Variants in KPNA7 observed in about 807,000 individuals in gnomAD.
KPNA7 encodes importin subunit alpha-8.
KPNA7 carries 54 observed loss-of-function variants against 53.7 expected under a neutral mutation model. That is an observed-to-expected ratio of 1.01 (90% CI 0.81 to 1.26). The LOEUF (loss-of-function observed/expected upper bound fraction) is 1.26. Ranked by LOEUF, KPNA7 falls within the 50% of genes most tolerant of loss-of-function variation. The probability of loss-of-function intolerance (pLI) is 0.00; values close to 1 mark genes in which losing one functional copy is unlikely to be tolerated. For synonymous variants in KPNA7, 276 were observed against 259.3 expected (o/e 1.06, Z -0.62); for missense variants, 640 against 644.5 (o/e 0.99, Z 0.07).
Position 99,178,062 on chromosome 7 carries a change from G to C in KPNA7, c.1322C>G (p.Ala441Gly). ...GTTTTCCTTCTCAGACCGTTTCTCT[G>C]CCGCCTGTGACCAAGTACAAGGGGA... ...LDVISCILQA[A>G]EKRSEKENLC... The change falls in exon 10 of 11, where the codon GCA becomes GGA. Residue 441 changes from alanine (A) to glycine (G), a missense_variant. Transcript: ENST00000327442. 1 of 1,551,292 alleles carries C rather than the reference G, an allele frequency of 6.4e-7. No individual in the cohort carries two copies. The highest frequency in any genetic ancestry group is 8.7e-7 in the Non-Finnish European group (1 of 1,146,796).
chr7:99,196,125 G>C lies in KPNA7; in HGVS notation c.243C>G (p.Ser81Arg), dbSNP rs946371056. ...TLGEIIKGVN[S>R]SDPVLCFQAT... ...CCTGGAAACATAGGACTGGATCTGA[G>C]CTATTCACACCTTTGATTATTTCAC... Residue 81 changes from serine (S) to arginine (R), a missense_variant, in exon 4 of 11, where the codon AGC (serine) becomes AGG (arginine). Physicochemically the swap from Ser to Arg is moderately radical, Grantham distance 110. Transcript: ENST00000327442. 2 of 1,551,716 alleles carry C rather than the reference G, an allele frequency of 1.3e-6. No homozygotes were observed. Among genetic ancestry groups the C allele is most frequent in the Admixed American group, 2.0e-5 (1 of 50,982 alleles).
the KPNA7 span, among the ~76,000 whole-genome samples, chr7:99,168,028 A>G: frequency 3.3e-3 from 493 of 147,562 alleles, 3 homozygotes; most frequent in African/African-American, 0.012. Flanking sequence ...GCCTTCCACA[A>G]AACCAGTCCG....
the KPNA7 span, among the ~76,000 whole-genome samples, chr7:99,147,512 C>T: frequency 4.6e-5 from 7 of 152,234 alleles, no homozygotes; most frequent in Non-Finnish European, 1.0e-4. Context: ...GATAAAAGTC[C>T]GGGCACAGTG....
At chr7:99,147,139 A>G in the KPNA7 span, among the ~76,000 whole-genome samples, 1 of 152,244 alleles carries the variant, frequency 6.6e-6, no homozygotes, top group East Asian at 1.9e-4. Flanking sequence ...AACAAGGAAT[A>G]CAAAATAAAT....
Position 99,207,463 on chromosome 7 carries a change from G to A in KPNA7, c.4C>T (p.Pro2Ser). 1 of 1,551,174 alleles carries A rather than the reference G, an allele frequency of 6.4e-7. No homozygotes were observed. The change falls in exon 2 of 11, where the codon CCG becomes TCG. Residue 2 changes from proline (P) to serine (S), a missense_variant. By Grantham distance (74) the Pro-to-Ser change is moderately conservative. Transcript: ENST00000327442. The part of the protein sequence containing the change: M[P>S]TLDAPEERRR... ...CTCTCTTCTGGAGCATCTAAGGTCG[G>A]CATATTGACTGGAAGTAGTAAGTTA...
At chr7:99,211,885 C>G (rs977316686), upstream of KPNA7, among the ~76,000 whole-genome samples, 2 of 152,216 alleles carry the variant, frequency 1.3e-5, no homozygotes, top group Non-Finnish European at 2.9e-5. Context: ...ATCTCTCCCA[C>G]TCTCCGATCT....
At chr7:99,148,231 G>A in the KPNA7 span, among the ~76,000 whole-genome samples, 27 of 152,174 alleles carry the variant, frequency 1.8e-4, no homozygotes, top group African/African-American at 5.3e-4. Context: ...AACTCGGTGA[G>A]CCTCCTCAAG....
At chr7:99,161,268 T>C in the KPNA7 span, among the ~76,000 whole-genome samples, 50 of 123,092 alleles carry the variant, frequency 4.1e-4, no homozygotes, top group African/African-American at 1.4e-3. Context: ...TCTCTCTCTC[T>C]CTGATCACTT....
rs979406068 is a variant in KPNA7 at position 99,188,424 on chromosome 7, G to T, written c.776C>A (p.Ser259Ter). 1 of 1,551,544 alleles carries T rather than the reference G, an allele frequency of 6.4e-7. No homozygotes were observed. The highest frequency in any genetic ancestry group is 8.7e-7 in the Non-Finnish European group (1 of 1,147,016). ...GTAGGACAGTGCCCAGCAGGCATCCGAGAGAACCTCACTGTCCTGGTGCTG... is the reference window on the plus strand; with the variant it reads ...GTAGGACAGTGCCCAGCAGGCATCCTAGAGAACCTCACTGTCCTGGTGCTG... ...LLQHQDSEVL[S>*]DACWALSYLT... The change falls in exon 7 of 11, where the codon TCG becomes TAG. Residue 259 changes from serine to a stop codon, truncating the protein, a stop_gained. Transcript: ENST00000327442. LOFTEE classifies it high-confidence loss of function.
At chr7:99,211,476 T>C (rs1791070965), upstream of KPNA7, among the ~76,000 whole-genome samples, 2 of 152,168 alleles carry the variant, frequency 1.3e-5, no homozygotes, top group African/African-American at 2.4e-5. Flanking sequence ...ACAAGCTCTA[T>C]GCAAGATCAG....
chr7:99,201,463 A>C (rs941817671), intron 3 of KPNA7, among the ~76,000 whole-genome samples: 1 of 151,996 alleles, frequency 6.6e-6, no homozygotes, highest in Non-Finnish European at 1.5e-5. Flanking sequence ...GGAGGTTGAG[A>C]CCATTCGGGC....
intron 1 of KPNA7, among the ~76,000 whole-genome samples, chr7:99,216,184 C>T (rs866021034): frequency 5.3e-5 from 8 of 151,872 alleles, no homozygotes; most frequent in African/African-American, 1.7e-4. Context: ...CACACCACCA[C>T]ACCCAGCTAA....
chr7:99,184,955 G>A lies in KPNA7; in HGVS notation c.1108C>T (p.Pro370Ser), dbSNP rs1327492077. The A allele has an allele frequency of 6.4e-7, 1 of 1,552,034 alleles. No homozygotes were observed. Among genetic ancestry groups the A allele is most frequent in the African/African-American group, 1.4e-5 (1 of 73,140 alleles). The change falls in exon 8 of 11, where the codon CCT becomes TCT. Residue 370 changes from proline (P) to serine (S), a missense_variant. By Grantham distance (74) the Pro-to-Ser change is moderately conservative. Transcript: ENST00000327442. The stretch of plus-strand genomic sequence containing the variant: ...TTTTTTAGCAGAGCCACCAAGGGAG[G>A]CAAGACGTCGTAGGCAAGCAGCTGC... ...IQQLLAYDVL[P>S]PLVALLKNGE...
At chr7:99,208,991 G>T (rs1790960818), upstream of KPNA7, among the ~76,000 whole-genome samples, 1 of 151,840 alleles carries the variant, frequency 6.6e-6, no homozygotes, top group Admixed American at 6.6e-5. Context: ...ATCTCTACTA[G>T]AAATACAAAA....
Position 99,196,069 on chromosome 7 carries a change from T to G in KPNA7, c.284+15A>C, listed in dbSNP as rs1373460257. On this transcript the variant is annotated intron_variant, in intron 4 of 10. Transcript: ENST00000327442. ...AACTATGAACCTGCAACAGCAGAAG[T>G]CTGTTTGGAGATACCTGGCTGTCTG... 2 of 1,547,108 alleles carry G rather than the reference T, an allele frequency of 1.3e-6. No homozygotes were observed. The highest frequency in any genetic ancestry group is 1.7e-6 in the Non-Finnish European group (2 of 1,142,870).
intron 1 of KPNA7, among the ~76,000 whole-genome samples, chr7:99,215,608 G>A (rs961322692): frequency 6.6e-6 from 1 of 151,940 alleles, no homozygotes; most frequent in Non-Finnish European, 1.5e-5. Context: ...GGCTTCTCTG[G>A]TCACAGCTCG....
At chr7:99,174,903 T>A (rs114637577) in intron 10 of KPNA7, among the ~76,000 whole-genome samples, 1 of 151,804 alleles carries the variant, frequency 6.6e-6, no homozygotes, top group South Asian at 2.1e-4. Context: ...CTCTGCTTTC[T>A]GGGTTCAAGT....
chr7:99,159,011 C>T, the KPNA7 span, among the ~76,000 whole-genome samples: 27 of 152,082 alleles, frequency 1.8e-4, 1 homozygote, highest in South Asian at 6.2e-4. Flanking sequence ...ACTACAGGTG[C>T]ACACCACGAC....
At chr7:99,155,414 T>C in the KPNA7 span, among the ~76,000 whole-genome samples, 2 of 152,214 alleles carry the variant, frequency 1.3e-5, no homozygotes, top group Non-Finnish European at 2.9e-5. Flanking sequence ...GTCTGTTGAT[T>C]CTATAAATGG....
Sources: allele counts gnomAD v4.1 joint callset (sites outside exome capture counted in the v4.1 genomes callset), GRCh38; gene constraint gnomAD v4.1.1; transcripts MANE v1.5; gene names NCBI Gene and HGNC (gene_info 2026-07-23, HGNC 2026-07-21).